SOX5: variants seen among roughly 807,000 people sequenced by gnomAD.
SOX5 encodes SRY-box transcription factor 5, also known as transcription factor SOX-5.
Under a neutral mutation model 92.0 loss-of-function variants are expected in SOX5, and 9 were observed. The observed-to-expected ratio is 0.10, with a 90% CI of 0.06 to 0.17. The LOEUF is 0.17. SOX5 is among the 10% of genes least tolerant of loss of function. The pLI is 1.00. For missense variants in SOX5, 642 were observed against 944.5 expected (o/e 0.68, Z 4.20); for synonymous variants, 344 against 336.3 (o/e 1.02, Z -0.25).
At chr12:24,056,019 G>A (rs1210601499) in intron 4 of SOX5, among the ~76,000 whole-genome samples, 1 of 152,170 alleles carries the variant, frequency 6.6e-6, no homozygotes, top group East Asian at 1.9e-4. Flanking sequence ...CTTTAACCAT[G>A]TCTAGGGTCA....
At chr12:23,741,077 GA>G in intron 4 of SOX5, 38 bp from the exon 5 acceptor site, 3 of 1,473,586 alleles carry the variant, frequency 2.0e-6, no homozygotes, top group South Asian at 1.3e-5. Context: ...CAAAATAAAT[GA>G]AAAAAAGTAA....
chr12:24,332,511 G>C (rs534716512), intron 2 of SOX5, among the ~76,000 whole-genome samples: 12 of 151,886 alleles, frequency 7.9e-5, no homozygotes, highest in African/African-American at 2.7e-4. Context: ...GAAATAAAAA[G>C]ATATGGAGTT....
chr12:23,802,047 A>G (rs1479046480), intron 3 of SOX5, among the ~76,000 whole-genome samples: 4 of 152,034 alleles, frequency 2.6e-5, no homozygotes, highest in Non-Finnish European at 5.9e-5. Context: ...ACTTTACGGA[A>G]CATTTAATTC....
intron 2 of SOX5, among the ~76,000 whole-genome samples, chr12:24,332,004 T>A (rs67238394): frequency 0.083 from 12,584 of 151,578 alleles, 590 homozygotes; most frequent in African/African-American, 0.12. Flanking sequence ...AGACTGCATA[T>A]AATATGATCA....
At chr12:24,517,148 A>C (rs890303147) in intron 1 of SOX5, among the ~76,000 whole-genome samples, 1 of 152,234 alleles carries the variant, frequency 6.6e-6, no homozygotes, top group African/African-American at 2.4e-5. Flanking sequence ...AGTGTTCTGG[A>C]AACCTCAGCC....
At chr12:24,071,199 C>A (rs12298426) in intron 4 of SOX5, among the ~76,000 whole-genome samples, 1 of 152,012 alleles carries the variant, frequency 6.6e-6, no homozygotes, top group Admixed American at 6.5e-5. Flanking sequence ...TTAAATATGA[C>A]CCCAATTAAT....
chr12:24,154,892 T>C (rs1187546872), intron 4 of SOX5, among the ~76,000 whole-genome samples: 2 of 152,060 alleles, frequency 1.3e-5, no homozygotes, highest in East Asian at 3.8e-4. Context: ...ATTTGGAAAA[T>C]TAAAAAATTA....
intron 6 of SOX5, among the ~76,000 whole-genome samples, chr12:23,706,442 G>C (rs2091401110): frequency 6.6e-6 from 1 of 151,942 alleles, no homozygotes; most frequent in Admixed American, 6.6e-5. Flanking sequence ...TAACCTAAAT[G>C]AAAGCATGTC....
chr12:24,078,913 A>AT (rs1263270258), intron 4 of SOX5, among the ~76,000 whole-genome samples: 3 of 152,110 alleles, frequency 2.0e-5, no homozygotes, highest in African/African-American at 4.8e-5. Context: ...TCATTATAGA[A>AT]TTTTTTAATA....
At chr12:23,771,232 A>G (rs113846595) in intron 3 of SOX5, among the ~76,000 whole-genome samples, 33 of 151,764 alleles carry the variant, frequency 2.2e-4, no homozygotes, top group African/African-American at 7.2e-4. Context: ...ATAACTCCAC[A>G]TTAAATTACT....
In SOX5 at chr12:24,319,967, G is replaced by A. The variant is rs569961442; in HGVS notation, c.-173-42655C>T. 5.5e-4 allele frequency among the ~76,000 whole-genome samples: 84 copies of A among 152,214 alleles called. 1 individual carries two copies. The highest frequency in any genetic ancestry group is 1.9e-3 in the African/African-American group (80 of 41,528). ...TTTAGTAACTCAGTAGGTTACACATGCTTATGTTATCACTCATGTCATGGT... is the reference window on the plus strand; with the variant it reads ...TTTAGTAACTCAGTAGGTTACACATACTTATGTTATCACTCATGTCATGGT... On this transcript the variant is annotated intron_variant, in intron 2 of 4. Transcript: ENST00000446891.
intron 2 of SOX5, among the ~76,000 whole-genome samples, chr12:24,307,515 A>C (rs113839441): frequency 0.17 from 4,237 of 24,430 alleles, 1,056 homozygotes; most frequent in East Asian, 0.3. Flanking sequence ...GGAAGGAAGG[A>C]AGGCCGGCCC....
At chr12:24,055,630 T>A (rs540547489) in intron 4 of SOX5, among the ~76,000 whole-genome samples, 37 of 152,192 alleles carry the variant, frequency 2.4e-4, no homozygotes, top group Middle Eastern at 3.2e-3. Context: ...CATCAAAGAC[T>A]GATAAAAATG....
At chr12:24,481,221 T>C (rs1159495470) in intron 1 of SOX5, among the ~76,000 whole-genome samples, 1 of 151,840 alleles carries the variant, frequency 6.6e-6, no homozygotes, top group Non-Finnish European at 1.5e-5. Context: ...ATTGACCTCA[T>C]GGAGATAAAG....
At chr12:23,978,885 G>A (rs1013710977) in intron 4 of SOX5, among the ~76,000 whole-genome samples, 2 of 152,066 alleles carry the variant, frequency 1.3e-5, no homozygotes, top group Non-Finnish European at 2.9e-5. Flanking sequence ...TAGGAATCTT[G>A]CACTATCTAT....
intron 2 of SOX5, among the ~76,000 whole-genome samples, chr12:23,871,552 T>C (rs1183998313): frequency 6.6e-6 from 1 of 152,154 alleles, no homozygotes; most frequent in Non-Finnish European, 1.5e-5. Context: ...TGTAACACTT[T>C]TTCAAAATTG....
chr12:24,352,428 TCCCACAG>T, intron 2 of SOX5, among the ~76,000 whole-genome samples: 1 of 152,082 alleles, frequency 6.6e-6, no homozygotes, highest in South Asian at 2.1e-4. Context: ...AACAGCGGGG[TCCCACAG>T]GTTCATGTCA....
chr12:23,736,856 A>G (rs1444121565), intron 5 of SOX5, among the ~76,000 whole-genome samples: 1 of 151,662 alleles, frequency 6.6e-6, no homozygotes, highest in Non-Finnish European at 1.5e-5. Flanking sequence ...ATGCCTGATT[A>G]ATTTTTTTAT....
chr12:24,562,592 C>G (rs1954480522), upstream of SOX5: 1 of 152,408 alleles, frequency 6.6e-6, no homozygotes, highest in Admixed American at 6.5e-5. Flanking sequence ...AATCCCTTTG[C>G]TGGTCATGAG....
Sources: gnomAD v4.1 joint callset for allele counts (sites outside exome capture counted in the v4.1 genomes callset) on GRCh38, gnomAD v4.1.1 for gene constraint, MANE v1.5 for transcripts, NCBI Gene and HGNC (gene_info 2026-07-23, HGNC 2026-07-21) for gene names.